Variants in PTPRN2 observed in about 807,000 individuals in gnomAD.
The protein encoded by PTPRN2 is receptor-type tyrosine-protein phosphatase N2.
In PTPRN2, 74 loss-of-function variants were observed where a neutral mutation model predicts 118.8. That is an observed-to-expected ratio of 0.62 (90% CI 0.52 to 0.76). The LOEUF is 0.76. Among genes scored for constraint, PTPRN2 ranks in the 30% least tolerant of loss-of-function variants. The probability of loss-of-function intolerance (pLI) is 0.00; values close to 1 mark genes in which losing one functional copy is unlikely to be tolerated. For missense variants in PTPRN2, 1,481 were observed against 1,394.4 expected, an observed-to-expected ratio of 1.06 and a Z score of -0.99; for synonymous variants, 641 against 608.0, an observed-to-expected ratio of 1.05 and a Z score of -0.80.
rs7800527 is a variant in PTPRN2 at position 157,717,057 on chromosome 7, C to T, written c.1789-34120G>A. Among the ~76,000 whole-genome samples the T allele has an allele frequency of 4.2e-3, 601 of 141,546 alleles. 68 individuals are homozygous for T. Among genetic ancestry groups the T allele is most frequent in the African/African-American group, 0.016 (570 of 36,696 alleles). The allele number at this position is 141,546 out of a possible 152,430, so 92.9% of individuals were successfully genotyped here. ...ACTCTGCGGGAACACTGCCTGGCCA[C>T]GTAGACTCTGCAGGAACACTGCCTG... On this transcript the variant is annotated intron_variant, in intron 12 of 22. Transcript: ENST00000389418.
At chr7:158,395,605 T>C (rs868493955) in intron 2 of PTPRN2, among the ~76,000 whole-genome samples, 18 of 13,862 alleles carry the variant, frequency 1.3e-3, no homozygotes, top group East Asian at 6.6e-3. Flanking sequence ...GGGTGAGGGG[T>C]GAGGCGCGAG....
Position 158,424,786 on chromosome 7 carries a change from C to T in PTPRN2, c.163+64949G>A, listed in dbSNP as rs111350911. On this transcript the variant is annotated intron_variant, in intron 2 of 22. Transcript: ENST00000389418. ...CAGGCATTAACCATCAGCTTAATCT[C>T]CCACGCCAGGTGTGCTCAGCACCCT... 2.7e-3 allele frequency among the ~76,000 whole-genome samples: 414 copies of T among 152,016 alleles called. 1 individual carries two copies. The highest frequency in any genetic ancestry group is 0.01 in the Middle Eastern group (3 of 294).
intron 21 of PTPRN2, among the ~76,000 whole-genome samples, chr7:157,558,942 A>G (rs1027733847): frequency 5.3e-5 from 8 of 152,264 alleles, no homozygotes; most frequent in African/African-American, 1.9e-4. Context: ...CTCATGGTCA[A>G]GGACACTTTG....
intron 11 of PTPRN2, among the ~76,000 whole-genome samples, chr7:158,058,446 C>A (rs1306263054): frequency 8.6e-6 from 1 of 116,118 alleles, no homozygotes; most frequent in Non-Finnish European, 1.7e-5. Context: ...TGAGACATCA[C>A]TGCAGCCACA....
intron 2 of PTPRN2, among the ~76,000 whole-genome samples, chr7:158,326,328 C>T (rs764849080): frequency 6.6e-5 from 10 of 152,246 alleles, no homozygotes; most frequent in African/African-American, 9.6e-5. Flanking sequence ...TCCGAGACAT[C>T]GCTCAGGAGC....
chr7:157,982,545 C>G (rs1304623301), intron 11 of PTPRN2, among the ~76,000 whole-genome samples: 1 of 119,858 alleles, frequency 8.3e-6, no homozygotes, highest in East Asian at 2.8e-4. Context: ...GAGGGGAATG[C>G]AGAGTGCAGG....
At chr7:158,174,297 C>T in intron 5 of PTPRN2, among the ~76,000 whole-genome samples, 1 of 152,126 alleles carries the variant, frequency 6.6e-6, no homozygotes, top group East Asian at 1.9e-4. Flanking sequence ...AATATCATCT[C>T]CACTATCTCC....
rs115539260 is a variant in PTPRN2 at position 157,965,247 on chromosome 7, C to T, written c.1724-66510G>A. Among the ~76,000 whole-genome samples, 1,282 of 152,284 alleles carry T rather than the reference C, an allele frequency of 8.4e-3. 25 individuals carry two copies. Among genetic ancestry groups the T allele is most frequent in the African/African-American group, 0.029 (1,218 of 41,560 alleles). On this transcript the variant is annotated intron_variant, in intron 11 of 22. Transcript: ENST00000389418. ...CATATTTCATCAATTTCAAGACGAACCCTTTTTCACAGTGTAACCCCTCTG... is the reference window on the plus strand; with the variant it reads ...CATATTTCATCAATTTCAAGACGAATCCTTTTTCACAGTGTAACCCCTCTG...
At position 158,261,346 on chromosome 7, in the gene PTPRN2, G is replaced by A. The variant is rs149737791; in HGVS notation, c.277+55473C>T. Among the ~76,000 whole-genome samples, 258 of 149,386 alleles carry A rather than the reference G, an allele frequency of 1.7e-3. 1 individual carries two copies. The highest frequency in any genetic ancestry group is 6.2e-3 in the African/African-American group (253 of 40,762). ...CAGGGGGAGGGAGGTAACAGCCCCT[G>A]GGAAATAATAAAGCACACGAACTTG... On this transcript the variant is annotated intron_variant, in intron 3 of 22. Transcript: ENST00000389418.
intron 11 of PTPRN2, among the ~76,000 whole-genome samples, chr7:157,963,530 C>T (rs1801687526): frequency 6.6e-6 from 1 of 152,266 alleles, no homozygotes; most frequent in East Asian, 1.9e-4. Context: ...AGTTGCTAAC[C>T]AGCCCATCAG....
intron 5 of PTPRN2, among the ~76,000 whole-genome samples, chr7:158,178,388 T>C (rs963018382): frequency 8.6e-5 from 13 of 152,046 alleles, no homozygotes; most frequent in African/African-American, 3.1e-4. Flanking sequence ...GTCCATTAGA[T>C]CACTCTGTCT....
chr7:158,503,629 C>T (rs867687722), intron 1 of PTPRN2, among the ~76,000 whole-genome samples: 9 of 152,300 alleles, frequency 5.9e-5, no homozygotes, highest in Middle Eastern at 3.4e-3. Flanking sequence ...CTCCTGGTTA[C>T]GAACAAAAAG....
chr7:157,946,134 G>C (rs1474748991), intron 11 of PTPRN2, among the ~76,000 whole-genome samples: 1 of 152,174 alleles, frequency 6.6e-6, no homozygotes, highest in East Asian at 1.9e-4. Flanking sequence ...GGCAGAAACA[G>C]CTGATGGTGA....
rs181075337 is a variant in PTPRN2, at chr7:158,530,130, C to T, written c.113-40345G>A. ...CTGACCCCAAAAATAAGTAGAATTA[C>T]GTCAGATATTTAGAACATGGAATTA... On this transcript the variant is annotated intron_variant, in intron 1 of 22. Transcript: ENST00000389418. Among the ~76,000 whole-genome samples the T allele has an allele frequency of 9.4e-4, 143 of 152,248 alleles. 1 individual carries two copies. Among genetic ancestry groups the T allele is most frequent in the African/African-American group, 3.1e-3 (130 of 41,558 alleles).
At chr7:157,634,881 C>A (rs188709676) in intron 14 of PTPRN2, among the ~76,000 whole-genome samples, 24 of 152,364 alleles carry the variant, frequency 1.6e-4, no homozygotes, top group African/African-American at 5.5e-4. Context: ...GACGTGGTCA[C>A]CTGCCTGTTG....
intron 2 of PTPRN2, among the ~76,000 whole-genome samples, chr7:158,476,443 C>T (rs1392560622): frequency 1.3e-5 from 2 of 152,254 alleles, no homozygotes; most frequent in Admixed American, 6.5e-5. Context: ...ACAGCAGGGC[C>T]ATCCGTTGCC....
At chr7:158,442,664 G>T (rs1212622677) in intron 2 of PTPRN2, among the ~76,000 whole-genome samples, 2 of 152,162 alleles carry the variant, frequency 1.3e-5, no homozygotes, top group African/African-American at 2.4e-5. Flanking sequence ...GGGGCTTTAG[G>T]ATCGTAAGGA....
Position 157,598,128 on chromosome 7 carries a change from T to C in PTPRN2, c.2419-2813A>G, listed in dbSNP as rs1004625782. Among the ~76,000 whole-genome samples, 1 of 152,174 alleles carries C rather than the reference T, an allele frequency of 6.6e-6. No individual in the cohort carries two copies. Among genetic ancestry groups the C allele is most frequent in the African/African-American group, 2.4e-5 (1 of 41,434 alleles). On this transcript the variant is annotated intron_variant, in intron 16 of 22. Transcript: ENST00000389418. The surrounding 1 kb of genome is among the most constrained non-coding windows in gnomAD (Gnocchi z 5.2). ...TGGAGGAAATCAAGTGAGTTTCTAC[T>C]AACATTGCTTTTTCCAATGAGGGCA...
intron 11 of PTPRN2, among the ~76,000 whole-genome samples, chr7:157,982,081 A>G (rs1205992995): frequency 6.1e-5 from 9 of 147,130 alleles, no homozygotes; most frequent in Middle Eastern, 3.5e-3. Flanking sequence ...TGCAGAGTGC[A>G]GGGTCCCCTC....
Sources: allele counts gnomAD v4.1 joint callset (sites outside exome capture counted in the v4.1 genomes callset), GRCh38; gene constraint gnomAD v4.1.1; non-coding constraint Gnocchi (gnomAD v3.1); transcripts MANE v1.5; gene names NCBI Gene and HGNC (gene_info 2026-07-23, HGNC 2026-07-21).